DDX42: variants seen among roughly 807,000 people sequenced by gnomAD.
The protein encoded by DDX42 is DEAD-box helicase 42, also known as ATP-dependent RNA helicase DDX42.
In DDX42, 22 loss-of-function variants were observed where a neutral mutation model predicts 101.5. The ratio of observed to expected loss-of-function variants is 0.22; its 90% CI spans 0.15 to 0.31. DDX42 has a LOEUF of 0.31. Ranked by LOEUF, DDX42 falls within the 10% of genes least tolerant of loss-of-function variation. DDX42 has a pLI of 1.00. For synonymous variants in DDX42, 402 were observed against 401.2 expected (o/e 1.00, Z -0.02); for missense variants, 849 against 1,199.9 (o/e 0.71, Z 4.32).
intron 15 of DDX42, among the ~76,000 whole-genome samples, chr17:63,815,140 C>T (rs897463264): frequency 1.3e-5 from 2 of 152,234 alleles, no homozygotes; most frequent in Admixed American, 1.3e-4. Context: ...CCTCACTTCA[C>T]ATAGCATTTT....
intron 2 of DDX42, among the ~76,000 whole-genome samples, chr17:63,789,352 T>TA (rs1280673064): frequency 1.3e-5 from 2 of 151,974 alleles, no homozygotes; most frequent in African/African-American, 4.8e-5. Context: ...ATGCTGGAAT[T>TA]AAAGGCCTGA....
At chr17:63,805,211 T>G in intron 7 of DDX42, 36 bp downstream of exon 7, 1 of 1,596,358 alleles carries the variant, frequency 6.3e-7, no homozygotes, top group Non-Finnish European at 8.5e-7. Context: ...TTAATATTAA[T>G]GTTAATTAGT....
intron 2 of DDX42, among the ~76,000 whole-genome samples, chr17:63,789,783 G>A (rs1404059798): frequency 6.6e-6 from 1 of 151,754 alleles, no homozygotes; most frequent in Non-Finnish European, 1.5e-5. Context: ...GTGTTGGCCA[G>A]GCTGGTTTCA....
At chr17:63,776,272 T>G (rs1214327472) in intron 1 of DDX42, 1 of 152,282 alleles carries the variant, frequency 6.6e-6, no homozygotes, top group Non-Finnish European at 1.5e-5. Context: ...GTGTTCCACA[T>G]TTATTCTCAC....
chr17:63,798,631 C>T (rs1225554439), intron 4 of DDX42, among the ~76,000 whole-genome samples: 2 of 152,022 alleles, frequency 1.3e-5, no homozygotes, highest in Admixed American at 1.3e-4. Flanking sequence ...TGTAATAATA[C>T]CTAATTTTAT....
chr17:63,817,657 C>T (rs1448054607), intron 17 of DDX42, 37 bp from the exon 18 acceptor site: 4 of 1,586,370 alleles, frequency 2.5e-6, no homozygotes, highest in Non-Finnish European at 3.4e-6. Flanking sequence ...CTTGAACTTG[C>T]TATCTTACCT....
Position 63,816,900 on chromosome 17 carries a change from T to C in DDX42, c.2046T>C (p.Tyr682=), listed in dbSNP as rs1371042128. The C allele has an allele frequency of 9.3e-6, 15 of 1,613,748 alleles. No homozygotes were observed. The highest frequency in any genetic ancestry group is 3.3e-5 in the Admixed American group (2 of 59,954). ...DRGNNNVMSN[Y]EAYKPSTGAM... ...GAAATAACAATGTAATGAGCAATTA[T>C]GAGGCCTACAAGCCTTCCACAGGAG... The change falls in exon 17 of 18, where the codon TAT becomes TAC. Residue 682 remains tyrosine, a synonymous_variant. Coordinates refer to ENST00000389924, the MANE Select transcript of DDX42 (RefSeq NM_203499.3).
intron 6 of DDX42, among the ~76,000 whole-genome samples, chr17:63,802,894 GA>G (rs1299867099): frequency 7.5e-6 from 1 of 132,470 alleles, no homozygotes; most frequent in East Asian, 2.1e-4. Flanking sequence ...TGGGCAATAA[GA>G]ACAACACTCC....
intron 7 of DDX42, 24 bp downstream of exon 7, chr17:63,805,199 T>C: frequency 6.2e-7 from 1 of 1,604,664 alleles, no homozygotes; most frequent in South Asian, 1.1e-5. Context: ...AGCTCAATAT[T>C]CTTAATATTA....
At chr17:63,800,752 T>A in intron 6 of DDX42, 135 bp downstream of exon 6, 2 of 1,067,218 alleles carry the variant, frequency 1.9e-6, no homozygotes, top group Non-Finnish European at 2.6e-6. Flanking sequence ...ACTAAGTGGT[T>A]GAGCCACAAA....
intron 3 of DDX42, 77 bp from the exon 4 acceptor site, chr17:63,797,961 C>T: frequency 7.4e-7 from 1 of 1,356,684 alleles, no homozygotes; most frequent in Non-Finnish European, 1.0e-6. Context: ...GCTATTATGG[C>T]ACTTGTTCCA....
chr17:63,800,885 T>G (rs1272762917), intron 6 of DDX42, among the ~76,000 whole-genome samples: 1 of 151,928 alleles, frequency 6.6e-6, no homozygotes, highest in African/African-American at 2.4e-5. Context: ...TATTTCTTTC[T>G]TTTCTTTCTT....
chr17:63,818,627 C>A lies in DDX42; in HGVS notation c.*229C>A. ...GAGAGCTGGGAAGCTTCTTTTGGCT[C>A]TAGGTGAGTTGTCATGTGGGTAAGT... On this transcript the variant is annotated 3_prime_UTR_variant, in exon 18 of 18. Transcript: ENST00000389924. 1 of 505,778 alleles carries A rather than the reference C, an allele frequency of 2.0e-6. No individual in the cohort carries two copies. The highest frequency in any genetic ancestry group is 2.6e-5 in the South Asian group (1 of 38,004). The allele number at this position is 505,778 out of a possible 1,614,324, so 31.3% of individuals were successfully genotyped here. A position where few individuals can be genotyped will look rare whatever the true frequency, so the allele number is the denominator to read the frequency against.
At chr17:63,782,874 G>T (rs1051117312) in intron 1 of DDX42, among the ~76,000 whole-genome samples, 8 of 152,096 alleles carry the variant, frequency 5.3e-5, no homozygotes, top group African/African-American at 9.7e-5. Flanking sequence ...TACGTCGTTA[G>T]CATAGCCTTC....
At chr17:63,782,181 G>A (rs763184419) in intron 1 of DDX42, among the ~76,000 whole-genome samples, 48 of 152,264 alleles carry the variant, frequency 3.2e-4, no homozygotes, top group Non-Finnish European at 5.3e-4. Flanking sequence ...GGGAGGCTGA[G>A]GCAGGAGAAT....
chr17:63,800,898 TCTTTCTTTCTTTTCTTTCCTTCCTTC>T (rs72083325), intron 6 of DDX42, among the ~76,000 whole-genome samples: 94,978 of 140,146 alleles, frequency 0.68, 33,588 homozygotes, highest in African/African-American at 0.9. Flanking sequence ...TCTTTCTTTC[TCTTTCTTTCTTTTCTTTCCTTCCTTC>T]CTTTCTTTCT....
chr17:63,817,004 G>C, intron 17 of DDX42, 38 bp downstream of exon 17: 1 of 1,578,352 alleles, frequency 6.3e-7, no homozygotes, highest in Non-Finnish European at 8.7e-7. Context: ...ACTTTCAGCA[G>C]TAACTCTTGG....
At chr17:63,815,770 T>C in intron 16 of DDX42, 97 bp downstream of exon 16, 1 of 759,360 alleles carries the variant, frequency 1.3e-6, no homozygotes, top group Non-Finnish European at 2.1e-6. Context: ...CCTCAGTGAG[T>C]TTAAAGCCCT....
intron 4 of DDX42, among the ~76,000 whole-genome samples, chr17:63,798,417 T>C (rs1280322941): frequency 6.6e-6 from 1 of 152,356 alleles, no homozygotes; most frequent in Non-Finnish European, 1.5e-5. Context: ...GTTCTGAGTT[T>C]GTCGCATAAT....
Sources: gnomAD v4.1 joint callset for allele counts (sites outside exome capture counted in the v4.1 genomes callset) on GRCh38, gnomAD v4.1.1 for gene constraint, MANE v1.5 for transcripts, NCBI Gene and HGNC (gene_info 2026-07-23, HGNC 2026-07-21) for gene names.